Variants in MPG observed in about 807,000 individuals in gnomAD.
The protein encoded by MPG is N-methylpurine DNA glycosylase, also known as DNA-3-methyladenine glycosylase.
In MPG, 33 loss-of-function variants were observed where a neutral mutation model predicts 31.7. That is an observed-to-expected ratio of 1.04 (90% CI 0.79 to 1.39). The LOEUF (loss-of-function observed/expected upper bound fraction) is 1.39. Ranked by LOEUF, MPG falls within the 40% of genes most tolerant of loss-of-function variation. The pLI, the probability that MPG is intolerant of heterozygous loss-of-function variation, is 0.00. For synonymous variants in MPG, 202 were observed against 169.2 expected (o/e 1.19, Z -1.51); for missense variants, 455 against 415.5 (o/e 1.10, Z -0.83).
chr16:85,308 ACCCT>A, intron 3 of MPG, 89 bp from the exon 4 acceptor site: 1 of 1,432,578 alleles, frequency 7.0e-7, no homozygotes, highest in South Asian at 1.4e-5. Flanking sequence ...AGGCAGCTGC[ACCCT>A]CCCTGCAGCA....
chr16:78,471 A>G (rs1033078555), intron 1 of MPG, 138 bp downstream of exon 1: 10 of 782,962 alleles, frequency 1.3e-5, no homozygotes, highest in Non-Finnish European at 1.6e-5. Flanking sequence ...GAGCCAGAGC[A>G]TAGGCCAAGG....
At chr16:79,756 C>A in intron 2 of MPG, 56 bp downstream of exon 2, 1 of 1,505,168 alleles carries the variant, frequency 6.6e-7, no homozygotes, top group Admixed American at 2.0e-5. Context: ...TGCAGTTGTC[C>A]CTGAACCCCT....
intron 3 of MPG, among the ~76,000 whole-genome samples, chr16:83,646 C>T (rs1342082296): frequency 4.0e-5 from 6 of 150,848 alleles, no homozygotes; most frequent in African/African-American, 1.5e-4. Context: ...GAGGCGGAGG[C>T]AGGAGAATCG....
intron 3 of MPG, 108 bp downstream of exon 3, chr16:83,364 G>A (rs772120657): frequency 8.7e-7 from 1 of 1,151,054 alleles, no homozygotes; most frequent in South Asian, 1.4e-5. Flanking sequence ...TGAGCGAGGA[G>A]GTGCCACTTC....
intron 2 of MPG, 55 bp from the exon 3 acceptor site, chr16:82,997 A>C: frequency 6.8e-7 from 1 of 1,473,024 alleles, no homozygotes. Context: ...GGGCACTGTT[A>C]GGGTGAGTGG....
intron 3 of MPG, among the ~76,000 whole-genome samples, chr16:84,964 C>T (rs562945895): frequency 1.3e-5 from 2 of 152,368 alleles, no homozygotes; most frequent in Admixed American, 6.5e-5. Context: ...GCTGAATGAT[C>T]GCACCCGAGG....
intron 3 of MPG, chr16:84,264 T>G (rs2141889097): frequency 6.6e-6 from 1 of 152,416 alleles, no homozygotes. Flanking sequence ...GACGGGAACT[T>G]AAAGGCTTTG....
At chr16:81,146 A>G (rs1173362487) in intron 2 of MPG, among the ~76,000 whole-genome samples, 2 of 152,210 alleles carry the variant, frequency 1.3e-5, no homozygotes, top group Non-Finnish European at 2.9e-5. Context: ...GTGAGTTGCC[A>G]TGAAATCCCA....
At chr16:78,419 C>G in intron 1 of MPG, 86 bp downstream of exon 1, 2 of 1,082,488 alleles carry the variant, frequency 1.8e-6, no homozygotes, top group South Asian at 4.5e-5. Context: ...GCGGGAGTGC[C>G]GGGGACGGGC....
In MPG at chr16:79,486, C is replaced by T. The variant is rs749084437; in HGVS notation, c.86C>T (p.Ser29Leu). ...RPARAGQPHS[S>L]SDAAQAPAEQ... ...GCTAGAGCAGGGCAGCCACACAGCT[C>T]GTCCGACGCAGCCCAGGCACCTGCA... is the stretch of plus-strand genomic sequence containing the variant. The change falls in exon 2 of 4, where the codon TCG becomes TTG. Residue 29 changes from serine to leucine, a missense_variant. By Grantham distance (145) the Ser-to-Leu change is moderately radical. Coordinates refer to ENST00000356432, the MANE Select transcript of MPG (RefSeq NM_001015052.3). 10 of 1,612,704 alleles carry T rather than the reference C, an allele frequency of 6.2e-6. No homozygotes were observed. The highest frequency in any genetic ancestry group is 2.2e-5 in the East Asian group (1 of 44,896).
At chr16:81,660 GGGAAGGCCTCCTGAATGCTCCCCACA>G (rs1898240944) in intron 2 of MPG, among the ~76,000 whole-genome samples, 6 of 106,826 alleles carry the variant, frequency 5.6e-5, no homozygotes, top group African/African-American at 3.5e-4. Flanking sequence ...CCCTATCTCC[GGGAAGGCCTCCTGAATGCTCCCCACA>G]CTGACCCCTT....
Position 79,638 on chromosome 16 carries a change from C to T in MPG, c.238C>T (p.Arg80Ter), listed in dbSNP as rs1219423816. 1.3e-5 allele frequency: 21 copies of T among 1,580,638 alleles called. No homozygotes were observed. In the East Asian group the frequency reaches 1.4e-4, roughly 10 times the overall value. ...CTCAAGCCCAAAGGGCCACCTTACC[C>T]GACTGGGGTTGGAGTTCTTCGACCA... The part of the protein sequence containing the change: ...YFSSPKGHLT[R>*]LGLEFFDQPA... Residue 80 changes from arginine (R) to a stop codon, truncating the protein, a stop_gained, in exon 2 of 4, where the codon CGA (arginine) becomes TGA (stop). Transcript: ENST00000356432. LOFTEE classifies it high-confidence loss of function.
Position 79,406 on chromosome 16 carries a change from ATT to A in MPG, c.25-12_25-11del. 1 of 1,613,180 alleles carries A rather than the reference ATT, an allele frequency of 6.2e-7. No homozygotes were observed. Among genetic ancestry groups the A allele is most frequent in the Non-Finnish European group, 8.5e-7 (1 of 1,179,828 alleles). On this transcript the variant is annotated splice_polypyrimidine_tract_variant and intron_variant, in intron 1 of 3. Coordinates refer to ENST00000356432, the MANE Select transcript of MPG (RefSeq NM_001015052.3). Reference sequence around the variant, plus strand: ...CTGTCTCCTATTCGGATGCTTATTTATTTTTTTTCCCATTACAGTTTTGCCGA... The same window carrying A: ...CTGTCTCCTATTCGGATGCTTATTTATTTTTTCCCATTACAGTTTTGCCGA...
chr16:85,399 A>G lies in MPG; in HGVS notation c.506-2A>G, dbSNP rs754858141. On this transcript the variant is annotated splice_acceptor_variant, in intron 3 of 3. Coordinates refer to ENST00000356432, the MANE Select transcript of MPG (RefSeq NM_001015052.3). LOFTEE classifies it high-confidence loss of function. The stretch of plus-strand genomic sequence containing the variant: ...TCCACTTCCAAACTGTCCGTCCCAC[A>G]GGGGACGGGGCTTGCGTCTTGCTGC... 1 of 1,599,628 alleles carries G rather than the reference A, an allele frequency of 6.3e-7. No individual in the cohort carries two copies. Among genetic ancestry groups the G allele is most frequent in the Admixed American group, 1.7e-5 (1 of 58,982 alleles).
chr16:78,670 A>C (rs2141881614), intron 1 of MPG, among the ~76,000 whole-genome samples: 1 of 152,332 alleles, frequency 6.6e-6, no homozygotes, highest in Admixed American at 6.5e-5. Context: ...AGGAGGACTT[A>C]GGTGCTGCTA....
At chr16:80,536 T>C (rs1348447934) in intron 2 of MPG, among the ~76,000 whole-genome samples, 2 of 151,976 alleles carry the variant, frequency 1.3e-5, no homozygotes, top group South Asian at 2.1e-4. Context: ...TGTGGCCAGG[T>C]GTGGTGGCTC....
At chr16:84,687 G>C (rs1278764520) in intron 3 of MPG, 5 of 152,480 alleles carry the variant, frequency 3.3e-5, no homozygotes, top group African/African-American at 1.2e-4. Flanking sequence ...CAAGGGGCCT[G>C]GCCTGGTGAG....
intron 2 of MPG, among the ~76,000 whole-genome samples, 151 bp from the exon 3 acceptor site, chr16:82,896 CAAGAG>C (rs1458148511): frequency 6.6e-6 from 1 of 152,070 alleles, no homozygotes; most frequent in African/African-American, 2.4e-5. Flanking sequence ...TCAGCAGGAG[CAAGAG>C]AAGAGGCAGG....
chr16:79,720 G>A lies in MPG; in HGVS notation c.300+20G>A, dbSNP rs368384855. The A allele has an allele frequency of 1.7e-4, 260 of 1,540,540 alleles. No homozygotes were observed. The African/African-American group carries it at 3.0e-3, about 18-fold the overall frequency. ...GGACAGGTAATGTGAACATAGCAGC[G>A]AGGGCCCTCCTGAAGTGCCTGTCAC... On this transcript the variant is annotated intron_variant, in intron 2 of 3. Transcript: ENST00000356432.
Sources: gnomAD v4.1 joint callset for allele counts (sites outside exome capture counted in the v4.1 genomes callset) on GRCh38, gnomAD v4.1.1 for gene constraint, MANE v1.5 for transcripts, NCBI Gene and HGNC (gene_info 2026-07-23, HGNC 2026-07-21) for gene names.